PIK3R1: variants seen among roughly 807,000 people sequenced by gnomAD.
PIK3R1 encodes the protein phosphatidylinositol 3-kinase regulatory subunit alpha.
In PIK3R1, 29 loss-of-function variants were observed where a neutral mutation model predicts 98.0. That is an observed-to-expected ratio of 0.30 (90% CI 0.22 to 0.40). The LOEUF (loss-of-function observed/expected upper bound fraction) is 0.40, where lower values mean the gene tolerates loss of function less well. Among genes scored for constraint, PIK3R1 ranks in the 10% least tolerant of loss-of-function variants. The pLI is 1.00. For synonymous variants in PIK3R1, 282 were observed against 311.8 expected, an observed-to-expected ratio of 0.90 and a Z score of 1.01; for missense variants, 596 against 872.7, an observed-to-expected ratio of 0.68 and a Z score of 3.99.
chr5:68,280,207 T>C (rs957311674), intron 5 of PIK3R1: 1 of 386,140 alleles, frequency 2.6e-6, no homozygotes, highest in African/African-American at 2.0e-5. Flanking sequence ...AAACCTGTGA[T>C]ACTTATCTGA....
At chr5:68,216,253 G>A (rs171648) in intron 1 of PIK3R1, among the ~76,000 whole-genome samples, 38,316 of 152,148 alleles carry the variant, frequency 0.25, 5,499 homozygotes, top group East Asian at 0.7. Context: ...CGGAGTTGCC[G>A]ACGAGCTCGG....
Position 68,226,354 on chromosome 5 carries a change from T to A in PIK3R1, c.-322T>A. ...ACAGATGGACAGTGTGACAAAAGTG[T>A]CAGAAAGGATTGGGCCTCGCTGTGA... On this transcript the variant is annotated 5_prime_UTR_variant, in exon 2 of 16. Coordinates refer to ENST00000521381, the MANE Select transcript of PIK3R1 (RefSeq NM_181523.3). The A allele has an allele frequency of 2.3e-6, 1 of 444,438 alleles. No homozygotes were observed. Among genetic ancestry groups the A allele is most frequent in the Non-Finnish European group, 4.0e-6 (1 of 252,226 alleles). 27.5% of individuals were successfully genotyped at this position (444,438 alleles called of 1,614,324 possible). A position where few individuals can be genotyped will look rare whatever the true frequency, so the allele number is the denominator to read the frequency against.
At chr5:68,239,761 T>C in intron 2 of PIK3R1, 1 of 431,486 alleles carries the variant, frequency 2.3e-6, no homozygotes, top group South Asian at 2.0e-5. Flanking sequence ...CAAAGGCAGA[T>C]GACTCCCTGG....
chr5:68,270,102 A>G (rs967663407), intron 2 of PIK3R1, among the ~76,000 whole-genome samples: 4 of 152,094 alleles, frequency 2.6e-5, no homozygotes, highest in African/African-American at 4.8e-5. Context: ...CCTTTTGAGA[A>G]AAGTTCCAGT....
intron 4 of PIK3R1, among the ~76,000 whole-genome samples, chr5:68,276,780 G>T (rs1217519174): frequency 1.3e-5 from 2 of 152,176 alleles, no homozygotes; most frequent in African/African-American, 2.4e-5. Flanking sequence ...AAGTTCTTTT[G>T]ATATACCTCA....
intron 2 of PIK3R1, among the ~76,000 whole-genome samples, chr5:68,243,705 G>C (rs1744954625): frequency 6.6e-6 from 1 of 152,176 alleles, no homozygotes; most frequent in Non-Finnish European, 1.5e-5. Context: ...TCCCAGCCCA[G>C]GGCTTCAGCA....
chr5:68,280,859 G>A (rs967086623), intron 6 of PIK3R1, 68 bp from the exon 7 acceptor site: 2 of 1,256,368 alleles, frequency 1.6e-6, no homozygotes, highest in African/African-American at 3.0e-5. Context: ...ACATTCACTT[G>A]AGTGTATATA....
intron 2 of PIK3R1, among the ~76,000 whole-genome samples, chr5:68,248,586 A>G (rs769538736): frequency 6.6e-6 from 1 of 152,160 alleles, no homozygotes; most frequent in African/African-American, 2.4e-5. Flanking sequence ...ACGTCTGTTC[A>G]TATTTGGAAT....
At chr5:68,246,273 C>T (rs114799422) in intron 2 of PIK3R1, among the ~76,000 whole-genome samples, 1,765 of 151,816 alleles carry the variant, frequency 0.012, 23 homozygotes, top group Middle Eastern at 0.017. Context: ...CCATCCCCTT[C>T]CCTGCAGAGT....
At chr5:68,290,671 C>A in intron 7 of PIK3R1, 1 of 1,564,984 alleles carries the variant, frequency 6.4e-7, no homozygotes, top group Admixed American at 1.9e-5. Flanking sequence ...GACACCATTA[C>A]AAAGAAAGCC....
At chr5:68,287,210 T>C (rs1216415432) in intron 7 of PIK3R1, among the ~76,000 whole-genome samples, 1 of 152,252 alleles carries the variant, frequency 6.6e-6, no homozygotes, top group Non-Finnish European at 1.5e-5. Context: ...TTTGTTTTAA[T>C]TTAAGCAAGC....
At chr5:68,282,895 G>A (rs550298485) in intron 7 of PIK3R1, among the ~76,000 whole-genome samples, 45 of 152,328 alleles carry the variant, frequency 3.0e-4, no homozygotes, top group African/African-American at 1.0e-3. Context: ...GGAAGTTTGT[G>A]TGATTTGTAT....
In PIK3R1 at chr5:68,295,460, G is replaced by A. The variant is rs1203018874; in HGVS notation, c.1786G>A (p.Glu596Lys). The change falls in exon 14 of 16, where the codon GAG (glutamate) becomes AAG (lysine). Residue 596 changes from glutamate (E) to lysine (K), a missense_variant. Physicochemically the swap from Glu to Lys is moderately conservative, Grantham distance 56. Coordinates refer to ENST00000521381, the MANE Select transcript of PIK3R1 (RefSeq NM_181523.3). ...AGGTGTTCGGCAAAAGAAGTTGAAC[G>A]AGTGGTTGGGCAATGAAAACACTGA... ...QKGVRQKKLN[E>K]WLGNENTEDQ... 7 of 1,614,138 alleles carry A rather than the reference G, an allele frequency of 4.3e-6. No homozygotes were observed. The Admixed American group carries it at 6.7e-5, about 15-fold the overall frequency.
intron 1 of PIK3R1, among the ~76,000 whole-genome samples, chr5:68,221,245 C>G (rs1744082758): frequency 6.6e-6 from 1 of 152,212 alleles, no homozygotes; most frequent in African/African-American, 2.4e-5. Flanking sequence ...ACAAAATGGA[C>G]TAAGACACTA....
intron 2 of PIK3R1, among the ~76,000 whole-genome samples, chr5:68,257,840 T>C (rs1475462614): frequency 6.6e-6 from 1 of 152,248 alleles, no homozygotes; most frequent in Non-Finnish European, 1.5e-5. Flanking sequence ...TTGCCTCTCC[T>C]GAATAATAAT....
At chr5:68,242,602 A>G (rs991204319) in intron 2 of PIK3R1, among the ~76,000 whole-genome samples, 1 of 152,130 alleles carries the variant, frequency 6.6e-6, no homozygotes, top group East Asian at 1.9e-4. Context: ...AGATCATTCT[A>G]CCCGTCTAAG....
intron 2 of PIK3R1, among the ~76,000 whole-genome samples, chr5:68,246,365 T>C (rs2112046208): frequency 6.6e-6 from 1 of 151,178 alleles, no homozygotes; most frequent in Admixed American, 6.6e-5. Context: ...CAAGCCGCAG[T>C]GCAGTGGCGC....
At chr5:68,292,156 G>T in intron 7 of PIK3R1, 103 bp from the exon 8 acceptor site, 1 of 650,346 alleles carries the variant, frequency 1.5e-6, no homozygotes, top group Non-Finnish European at 2.7e-6. Flanking sequence ...ATATATTTCA[G>T]TTACTCTAAC....
At chr5:68,281,160 G>A (rs566567132) in intron 7 of PIK3R1, among the ~76,000 whole-genome samples, 154 bp downstream of exon 7, 1 of 152,248 alleles carries the variant, frequency 6.6e-6, no homozygotes, top group African/African-American at 2.4e-5. Context: ...AAAAATAGCT[G>A]AGTGGTAGTG....
Sources: allele counts gnomAD v4.1 joint callset (sites outside exome capture counted in the v4.1 genomes callset), GRCh38; gene constraint gnomAD v4.1.1; transcripts MANE v1.5; gene names NCBI Gene and HGNC (gene_info 2026-07-23, HGNC 2026-07-21).